UNC79: variants seen among roughly 807,000 people sequenced by gnomAD.
The protein encoded by UNC79 is unc-79 subunit of NALCN channel complex.
In UNC79, 37 loss-of-function variants were observed where a neutral mutation model predicts 283.1. The ratio of observed to expected loss-of-function variants is 0.13; its 90% CI spans 0.10 to 0.17. UNC79 has a LOEUF of 0.17. Among genes scored for constraint, UNC79 ranks in the 10% least tolerant of loss-of-function variants. The probability of loss-of-function intolerance (pLI) is 1.00; values close to 1 mark genes in which losing one functional copy is unlikely to be tolerated. For missense variants in UNC79, 2,272 were observed against 3,211.1 expected (o/e 0.71, Z 7.07); for synonymous variants, 1,107 against 1,200.2 (o/e 0.92, Z 1.61).
At chr14:93,627,425 A>C (rs1052440612) in intron 30 of UNC79, among the ~76,000 whole-genome samples, 1 of 152,160 alleles carries the variant, frequency 6.6e-6, no homozygotes, top group African/African-American at 2.4e-5. Context: ...GCTTACAACA[A>C]GTATTTATTT....
At chr14:93,501,133 T>G (rs2059261334) in intron 7 of UNC79, among the ~76,000 whole-genome samples, 1 of 152,018 alleles carries the variant, frequency 6.6e-6, no homozygotes, top group Non-Finnish European at 1.5e-5. Flanking sequence ...GAGACCAGCC[T>G]GGCCAACGTG....
At chr14:93,574,954 C>A in intron 16 of UNC79, 104 bp from the exon 17 acceptor site, 1 of 1,241,106 alleles carries the variant, frequency 8.1e-7, no homozygotes, top group Admixed American at 2.7e-5. Flanking sequence ...GCTAATTATC[C>A]TTATGTTCAA....
In UNC79 at chr14:93,703,715, G is replaced by A. The variant is rs78549733; in HGVS notation, c.7549-910G>A. Among the ~76,000 whole-genome samples, 1,365 of 152,240 alleles carry A rather than the reference G, an allele frequency of 9.0e-3. 13 individuals are homozygous for A. Among genetic ancestry groups the A allele is most frequent in the African/African-American group, 0.028 (1,145 of 41,518 alleles). The stretch of plus-strand genomic sequence containing the variant: ...TGGAGGGTTGGAAGGAATATGGAGC[G>A]AAATGATATGATGCATATTGGTGTA... On this transcript the variant is annotated intron_variant, in intron 47 of 48. Transcript: ENST00000555664.
chr14:93,406,868 G>A (rs544257320), intron 1 of UNC79, among the ~76,000 whole-genome samples: 52 of 152,256 alleles, frequency 3.4e-4, no homozygotes, highest in African/African-American at 1.2e-3. Context: ...TATAAACTAG[G>A]TGGCTTAAAA....
chr14:93,571,794 T>C, intron 14 of UNC79, 100 bp from the exon 15 acceptor site: 1 of 1,233,468 alleles, frequency 8.1e-7, no homozygotes, highest in Non-Finnish European at 1.1e-6. Context: ...CATGATGGAT[T>C]GTGGCCTTTC....
chr14:93,547,866 C>T (rs778617499), intron 14 of UNC79, among the ~76,000 whole-genome samples: 8 of 152,046 alleles, frequency 5.3e-5, no homozygotes, highest in Non-Finnish European at 1.0e-4. Context: ...TGTTGGCTCG[C>T]ACCTGTAGTC....
chr14:93,516,145 C>A (rs1055381889), intron 7 of UNC79, among the ~76,000 whole-genome samples: 10 of 151,854 alleles, frequency 6.6e-5, no homozygotes, highest in Non-Finnish European at 1.2e-4. Flanking sequence ...AATAATTAAC[C>A]ATATATGTAT....
chr14:93,588,416 G>A (rs1391653610), intron 22 of UNC79, among the ~76,000 whole-genome samples: 1 of 152,132 alleles, frequency 6.6e-6, no homozygotes, highest in Non-Finnish European at 1.5e-5. Flanking sequence ...AGAGAGAAAA[G>A]GGAGTAGACA....
intron 1 of UNC79, among the ~76,000 whole-genome samples, chr14:93,404,020 A>G (rs2055165238): frequency 1.3e-5 from 2 of 152,178 alleles, no homozygotes; most frequent in Non-Finnish European, 2.9e-5. Context: ...CAAATAATCA[A>G]GGATATACTT....
intron 1 of UNC79, among the ~76,000 whole-genome samples, chr14:93,357,265 T>C (rs1380299547): frequency 6.6e-6 from 1 of 152,140 alleles, no homozygotes; most frequent in Non-Finnish European, 1.5e-5. Flanking sequence ...ATTTTCTTTA[T>C]CCAGTCCACC....
In UNC79 at chr14:93,662,928, A is replaced by G. The variant is rs191987847; in HGVS notation, c.6636+214A>G. 9.5e-4 allele frequency among the ~76,000 whole-genome samples: 144 copies of G among 152,246 alleles called. 1 individual carries two copies. The highest frequency in any genetic ancestry group is 3.3e-3 in the African/African-American group (139 of 41,546). On this transcript the variant is annotated intron_variant, in intron 40 of 48. Coordinates refer to ENST00000555664, the Ensembl canonical transcript of UNC79. ...CAAACACACATACAATGTCTAAAAT[A>G]TGCACATATGCAGATTCAGAGAACT...
chr14:93,565,090 T>G (rs13329061), intron 14 of UNC79, among the ~76,000 whole-genome samples: 39,152 of 152,028 alleles, frequency 0.26, 5,603 homozygotes, highest in East Asian at 0.69. Flanking sequence ...AGATCAGGTG[T>G]CCATTGAGCA....
intron 1 of UNC79, among the ~76,000 whole-genome samples, chr14:93,343,585 TTTGGTTC>T (rs2053760387): frequency 6.6e-6 from 1 of 152,222 alleles, no homozygotes; most frequent in Non-Finnish European, 1.5e-5. Context: ...TTCTGAAGCC[TTTGGTTC>T]TTGAATCAGA....
At chr14:93,415,421 C>A (rs1166368665) in intron 1 of UNC79, among the ~76,000 whole-genome samples, 1 of 152,134 alleles carries the variant, frequency 6.6e-6, no homozygotes, top group South Asian at 2.1e-4. Flanking sequence ...TTCAGTTTGC[C>A]AGTATTTTAT....
intron 1 of UNC79, among the ~76,000 whole-genome samples, chr14:93,339,945 T>C (rs1386897489): frequency 6.6e-6 from 1 of 152,220 alleles, no homozygotes; most frequent in Non-Finnish European, 1.5e-5. Context: ...GAACGGGAAG[T>C]AATAAGGAGA....
At chr14:93,524,075 A>G (rs935977776) in intron 8 of UNC79, 33 bp downstream of exon 8, 2 of 1,610,966 alleles carry the variant, frequency 1.2e-6, no homozygotes, top group African/African-American at 1.3e-5. Flanking sequence ...GCCATACTGT[A>G]TTGTCAGTGG....
At chr14:93,523,993 A>G (rs201302986) in exon 8 of UNC79, 7 of 1,614,144 alleles carry the variant, frequency 4.3e-6, no homozygotes, top group Non-Finnish European at 5.9e-6. Context: ...AATCCCATCC[A>G]CTGCCAGCAC....
intron 5 of UNC79, among the ~76,000 whole-genome samples, chr14:93,489,930 C>T (rs1046918887): frequency 2.0e-5 from 3 of 152,200 alleles, no homozygotes; most frequent in Non-Finnish European, 4.4e-5. Context: ...TTCCAGCTCT[C>T]CTGGGCATCC....
chr14:93,422,979 C>T (rs1011055100), intron 1 of UNC79, among the ~76,000 whole-genome samples: 5 of 143,790 alleles, frequency 3.5e-5, no homozygotes, highest in Admixed American at 7.0e-5. Context: ...AGGAGAATGG[C>T]GTGCACCTGG....
Sources: allele counts gnomAD v4.1 joint callset (sites outside exome capture counted in the v4.1 genomes callset), GRCh38; gene constraint gnomAD v4.1.1; transcripts MANE v1.5; gene names NCBI Gene and HGNC (gene_info 2026-07-23, HGNC 2026-07-21).